The following WNK2 variants were observed in gnomAD, a reference collection of about 807,000 sequenced individuals.
WNK2 encodes serine/threonine-protein kinase WNK2.
In WNK2, 67 loss-of-function variants were observed where a neutral mutation model predicts 192.1. That is an observed-to-expected ratio of 0.35 (90% CI 0.29 to 0.43). WNK2 has a LOEUF of 0.43. WNK2 is among the 20% of genes least tolerant of loss of function. WNK2 has a pLI of 1.00. For missense variants in WNK2, 2,698 were observed against 3,089.7 expected (o/e 0.87, Z 3.01); for synonymous variants, 1,439 against 1,393.9 (o/e 1.03, Z -0.72).
At chr9:93,199,528 T>A (rs1188750479) in intron 2 of WNK2, among the ~76,000 whole-genome samples, 1 of 152,136 alleles carries the variant, frequency 6.6e-6, no homozygotes, top group Admixed American at 6.5e-5. Context: ...CCCGGACAGG[T>A]CTCTTGGAAT....
At chr9:93,299,632 A>G (rs1384784887) in intron 25 of WNK2, among the ~76,000 whole-genome samples, 1 of 152,034 alleles carries the variant, frequency 6.6e-6, no homozygotes, top group African/African-American at 2.4e-5. Context: ...ATGGTGCTAA[A>G]CACCGGGTCC....
At chr9:93,242,715 G>T (rs367853365) in intron 7 of WNK2, among the ~76,000 whole-genome samples, 1 of 152,236 alleles carries the variant, frequency 6.6e-6, no homozygotes, top group Non-Finnish European at 1.5e-5. Context: ...ACAGAAGATG[G>T]CCTCGAGGGA....
At chr9:93,271,169 T>C (rs1845952711) in intron 19 of WNK2, among the ~76,000 whole-genome samples, 2 of 152,124 alleles carry the variant, frequency 1.3e-5, no homozygotes, top group Non-Finnish European at 1.5e-5. Flanking sequence ...TCAGATGAGA[T>C]TAGTACTGGG....
intron 5 of WNK2, among the ~76,000 whole-genome samples, chr9:93,237,857 C>T (rs1564058444): frequency 6.9e-6 from 1 of 144,192 alleles, no homozygotes; most frequent in African/African-American, 2.5e-5. Context: ...ACTTGGGGCT[C>T]TTTTTTTTTT....
In WNK2 at chr9:93,300,305, C is replaced by T. The variant is rs1588557211; in HGVS notation, c.6214+156C>T. 3 of 618,072 alleles carry T rather than the reference C, an allele frequency of 4.9e-6. No individual in the cohort carries two copies. The South Asian group carries it at 5.9e-5, about 12-fold the overall frequency. The allele number at this position is 618,072 out of a possible 1,614,324, so 38.3% of individuals were successfully genotyped here. On this transcript the variant is annotated intron_variant, in intron 26 of 29. Transcript: ENST00000427277. Reference sequence around the variant, plus strand: ...AATATCAAAGTGGAACCCCATGAGCCGGTCCCCTGGAGCGGCGGCCGCCAG... The same window carrying T: ...AATATCAAAGTGGAACCCCATGAGCTGGTCCCCTGGAGCGGCGGCCGCCAG...
chr9:93,235,177 T>G (rs780328016), intron 5 of WNK2, among the ~76,000 whole-genome samples: 25 of 152,160 alleles, frequency 1.6e-4, no homozygotes, highest in Non-Finnish European at 3.4e-4. Context: ...GTCTCCTACC[T>G]GAAGGGATGG....
At chr9:93,212,439 C>T (rs1336937043) in intron 2 of WNK2, among the ~76,000 whole-genome samples, 1 of 152,166 alleles carries the variant, frequency 6.6e-6, no homozygotes, top group Non-Finnish European at 1.5e-5. Context: ...GACTACTCAC[C>T]CTGCCTGCTC....
chr9:93,266,782 T>C (rs1845236461), intron 16 of WNK2, among the ~76,000 whole-genome samples: 1 of 152,112 alleles, frequency 6.6e-6, no homozygotes, highest in Non-Finnish European at 1.5e-5. Context: ...CAGCTGTTTA[T>C]AGTAGGGCAG....
At position 93,320,442 on chromosome 9, in the gene WNK2, C is replaced by T. The variant is rs554525823; in HGVS notation, c.*50C>T. 1.2e-5 allele frequency: 17 copies of T among 1,366,832 alleles called. No homozygotes were observed. The highest frequency in any genetic ancestry group is 5.7e-5 in the Admixed American group (3 of 52,574). 84.7% of individuals were successfully genotyped at this position (1,366,832 alleles called of 1,614,324 possible). A position where few individuals can be genotyped will look rare whatever the true frequency, so the allele number is the denominator to read the frequency against. ...TCACGCCGTCTAAGTGGAGAAGTGA[C>T]GGACCCTCAGGGCCAGCTGCTCCTC... On this transcript the variant is annotated 3_prime_UTR_variant, in exon 30 of 30. Coordinates refer to ENST00000427277, the MANE Select transcript of WNK2 (RefSeq NM_006648.4).
intron 2 of WNK2, among the ~76,000 whole-genome samples, chr9:93,198,790 C>A (rs1243962903): frequency 6.6e-6 from 1 of 152,248 alleles, no homozygotes; most frequent in East Asian, 1.9e-4. Context: ...TCTGGGCCCC[C>A]ACTCCCTGCC....
Position 93,261,866 on chromosome 9 carries a change from C to A in WNK2, c.3119C>A (p.Pro1040His). The change falls in exon 13 of 30, where the codon CCC becomes CAC. Residue 1040 changes from proline (P) to histidine (H), a missense_variant. Pro to His is a moderately conservative substitution (Grantham distance 77). Coordinates refer to ENST00000427277, the MANE Select transcript of WNK2 (RefSeq NM_006648.4). Reference sequence around the variant, plus strand: ...GCTGTGGACGTCGCCGCTCAGGTCCCCACCGTGCCTGTGCCACCGGCTGCG... The same window carrying A: ...GCTGTGGACGTCGCCGCTCAGGTCCACACCGTGCCTGTGCCACCGGCTGCG... The part of the protein sequence containing the change: ...PYAVDVAAQV[P>H]TVPVPPAAVL... The A allele has an allele frequency of 1.2e-6, 2 of 1,600,478 alleles. No individual in the cohort carries two copies. The highest frequency in any genetic ancestry group is 1.7e-6 in the Non-Finnish European group (2 of 1,179,446).
chr9:93,289,670 G>A (rs755765523), intron 20 of WNK2, 50 bp downstream of exon 20: 1 of 1,421,024 alleles, frequency 7.0e-7, no homozygotes, highest in Non-Finnish European at 9.2e-7. Context: ...AGGGGCCGGA[G>A]CCCGGGCGCA....
intron 21 of WNK2, 36 bp from the exon 22 acceptor site, chr9:93,292,272 C>T (rs1331689660): frequency 6.2e-7 from 1 of 1,610,660 alleles, no homozygotes; most frequent in Non-Finnish European, 8.5e-7. Flanking sequence ...TCTTCCTCCT[C>T]CTTCAGCCCC....
intron 29 of WNK2, chr9:93,318,202 TG>T: frequency 6.7e-7 from 1 of 1,484,064 alleles, no homozygotes; most frequent in Non-Finnish European, 8.9e-7. Flanking sequence ...AATTGGCTTG[TG>T]CATTGATAAT....
intron 19 of WNK2, among the ~76,000 whole-genome samples, chr9:93,275,897 A>G (rs1846787518): frequency 2.0e-5 from 3 of 152,226 alleles, no homozygotes; most frequent in Admixed American, 2.0e-4. Context: ...AAGTTTAATA[A>G]AACATGCAGA....
chr9:93,289,667 G>T, intron 20 of WNK2, 47 bp downstream of exon 20: 1 of 1,421,030 alleles, frequency 7.0e-7, no homozygotes, highest in Non-Finnish European at 9.2e-7. Flanking sequence ...GTCAGGGGCC[G>T]GAGCCCGGGC....
chr9:93,233,772 T>G (rs1839327143), intron 4 of WNK2, among the ~76,000 whole-genome samples: 1 of 150,172 alleles, frequency 6.7e-6, no homozygotes, highest in Non-Finnish European at 1.5e-5. Context: ...GCTTTTAAAA[T>G]GCACTAATTA....
chr9:93,295,275 GC>G (rs1850061197), intron 23 of WNK2, among the ~76,000 whole-genome samples: 1 of 152,042 alleles, frequency 6.6e-6, no homozygotes, highest in Non-Finnish European at 1.5e-5. Context: ...TGGATAAGAC[GC>G]TCCCCTGCCC....
chr9:93,223,514 C>T (rs938171674), intron 2 of WNK2, among the ~76,000 whole-genome samples: 3 of 152,240 alleles, frequency 2.0e-5, no homozygotes, highest in East Asian at 1.9e-4. Flanking sequence ...CTGTTGGCTG[C>T]GTTCCCATGG....
Sources: gnomAD v4.1 joint callset for allele counts (sites outside exome capture counted in the v4.1 genomes callset) on GRCh38, gnomAD v4.1.1 for gene constraint, MANE v1.5 for transcripts, NCBI Gene and HGNC (gene_info 2026-07-23, HGNC 2026-07-21) for gene names.